Variants in STOX2 observed in about 807,000 individuals in gnomAD.
STOX2 encodes the protein storkhead box 2, also known as storkhead-box protein 2.
A neutral mutation model predicts 60.9 loss-of-function variants in STOX2; 28 were observed. That is an observed-to-expected ratio of 0.46 (90% CI 0.34 to 0.63). STOX2 has a LOEUF of 0.63. Ranked by LOEUF, STOX2 falls within the 30% of genes least tolerant of loss-of-function variation. The pLI, the probability that STOX2 is intolerant of heterozygous loss-of-function variation, is 0.01. For synonymous variants in STOX2, 472 were observed against 463.9 expected, an observed-to-expected ratio of 1.02 and a Z score of -0.22; for missense variants, 1,024 against 1,187.7, an observed-to-expected ratio of 0.86 and a Z score of 2.03.
chr4:183,924,175 T>TTCAGCAAA (rs1742176629), intron 1 of STOX2, among the ~76,000 whole-genome samples: 2 of 152,170 alleles, frequency 1.3e-5, no homozygotes, highest in African/African-American at 4.8e-5. Context: ...TCCTCACACC[T>TTCAGCAAA]TCAGCAAACC....
At chr4:183,910,541 A>G (rs1443380877) in intron 1 of STOX2, among the ~76,000 whole-genome samples, 1 of 152,094 alleles carries the variant, frequency 6.6e-6, no homozygotes, top group Non-Finnish European at 1.5e-5. Flanking sequence ...GCCTCTTTAT[A>G]TTCCATGTAT....
At chr4:183,814,284 CACA>C (rs1739101758) in intron 1 of STOX2, among the ~76,000 whole-genome samples, 1 of 152,082 alleles carries the variant, frequency 6.6e-6, no homozygotes, top group African/African-American at 2.4e-5. Context: ...TGGAATATTT[CACA>C]ACAATACAAA....
chr4:183,930,488 T>C (rs1443452348), intron 1 of STOX2, among the ~76,000 whole-genome samples: 1 of 149,706 alleles, frequency 6.7e-6, no homozygotes, highest in Non-Finnish European at 1.5e-5. Context: ...TACAGGTGTG[T>C]GCCACCATGC....
intron 1 of STOX2, among the ~76,000 whole-genome samples, chr4:183,971,036 AG>A (rs1191559619): frequency 3.3e-5 from 5 of 152,222 alleles, no homozygotes; most frequent in African/African-American, 1.2e-4. Flanking sequence ...TTTTGGGGTC[AG>A]GTTATTTGTA....
chr4:183,977,032 A>G (rs1395043166), intron 1 of STOX2, among the ~76,000 whole-genome samples: 2 of 152,230 alleles, frequency 1.3e-5, no homozygotes, highest in Non-Finnish European at 2.9e-5. Flanking sequence ...GTAGTTTCTT[A>G]AAATTTATTT....
chr4:183,833,003 A>T (rs914497760), intron 1 of STOX2, among the ~76,000 whole-genome samples: 3 of 152,248 alleles, frequency 2.0e-5, no homozygotes, highest in Non-Finnish European at 4.4e-5. Context: ...TAGGAGTATT[A>T]GTCAGCTATT....
At chr4:183,908,881 G>A (rs1388734219) in intron 1 of STOX2, among the ~76,000 whole-genome samples, 1 of 152,218 alleles carries the variant, frequency 6.6e-6, no homozygotes, top group African/African-American at 2.4e-5. Flanking sequence ...TGGAAGAAAA[G>A]TGCTGTCATT....
chr4:183,988,251 C>G (rs1732936632), intron 1 of STOX2: 1 of 151,908 alleles, frequency 6.6e-6, no homozygotes, highest in Non-Finnish European at 1.5e-5. Flanking sequence ...GTTGGCTGAT[C>G]CGTCCCTGTG....
intron 1 of STOX2, among the ~76,000 whole-genome samples, chr4:183,951,571 C>G (rs1743094556): frequency 6.6e-6 from 1 of 150,658 alleles, no homozygotes; most frequent in Non-Finnish European, 1.5e-5. Context: ...CCGCCTCAGT[C>G]TCTCAAGCAG....
Position 183,967,765 on chromosome 4 carries a change from G to A in STOX2, c.167-33560G>A, listed in dbSNP as rs565494206. On this transcript the variant is annotated intron_variant, in intron 1 of 3. Transcript: ENST00000308497. ...TTGGATTAAAAAGATCATCAACTTT[G>A]GGTTATGAAAAATGTAGTGCCACGA... 3.9e-5 allele frequency among the ~76,000 whole-genome samples: 6 copies of A among 152,266 alleles called. No individual in the cohort carries two copies. The East Asian group carries it at 1.2e-3, about 29-fold the overall frequency.
intron 1 of STOX2, among the ~76,000 whole-genome samples, chr4:183,922,999 C>T (rs987466994): frequency 1.7e-4 from 26 of 152,184 alleles, no homozygotes; most frequent in African/African-American, 3.4e-4. Context: ...CCATTGCCCA[C>T]GTGTACCATG....
intron 2 of STOX2, among the ~76,000 whole-genome samples, chr4:184,003,375 C>G (rs1343380585): frequency 1.3e-5 from 2 of 152,176 alleles, no homozygotes; most frequent in East Asian, 3.8e-4. Flanking sequence ...ATATCACTAA[C>G]TTGGAATGCT....
chr4:183,826,057 G>A lies in STOX2; in HGVS notation c.364+28002G>A, dbSNP rs112097745. ...TGCACAACAGACTCATCGGGAAACA[G>A]GTTAAAACACAGACTCCTGGGCCCC... On this transcript the variant is annotated intron_variant, in intron 1 of 2. Coordinates refer to the STOX2 transcript ENST00000513034. Among the ~76,000 whole-genome samples, 227 of 152,214 alleles carry A rather than the reference G, an allele frequency of 1.5e-3. 3 individuals carry two copies. The highest frequency in any genetic ancestry group is 5.0e-3 in the African/African-American group (209 of 41,514).
intron 1 of STOX2, among the ~76,000 whole-genome samples, chr4:183,849,426 G>T (rs1740060767): frequency 6.6e-6 from 1 of 152,180 alleles, no homozygotes; most frequent in South Asian, 2.1e-4. Flanking sequence ...TTTCCTGTTG[G>T]GGTGGGAGAA....
rs975507398 is a variant in STOX2, at chr4:183,906,661, C to G, written c.-130C>G. The G allele has an allele frequency of 4.7e-6, 5 of 1,062,336 alleles. No homozygotes were observed. Among genetic ancestry groups the G allele is most frequent in the Admixed American group, 6.2e-5 (2 of 32,152 alleles). 65.8% of individuals were successfully genotyped at this position (1,062,336 alleles called of 1,614,324 possible). A position where few individuals can be genotyped will look rare whatever the true frequency, so the allele number is the denominator to read the frequency against. ...GACCCGCCGCTGGCGGTGTAGACGC[C>G]GACGAGGAGGGGCTGGGAAAATGTG... On this transcript the variant is annotated 5_prime_UTR_variant, in exon 1 of 4. Transcript: ENST00000308497.
chr4:183,952,275 A>C (rs1170907939), intron 1 of STOX2, among the ~76,000 whole-genome samples: 1 of 152,182 alleles, frequency 6.6e-6, no homozygotes, highest in Non-Finnish European at 1.5e-5. Context: ...CTCATTTCAC[A>C]AATTATCCAG....
At chr4:183,899,162 C>T (rs113848061) in intron 1 of STOX2, among the ~76,000 whole-genome samples, 193 of 152,216 alleles carry the variant, frequency 1.3e-3, no homozygotes, top group African/African-American at 4.1e-3. Context: ...AAACTTGATC[C>T]GTAAGTGTTG....
chr4:183,956,359 T>A (rs1376608899), intron 1 of STOX2, among the ~76,000 whole-genome samples: 1 of 139,088 alleles, frequency 7.2e-6, no homozygotes, highest in African/African-American at 2.8e-5. Context: ...TTTGCTGCAT[T>A]TGTTCTATCT....
In STOX2 at chr4:184,010,140, C is replaced by T. The variant is rs1734079274; in HGVS notation, c.1302C>T (p.Phe434=). Residue 434 remains phenylalanine, a synonymous_variant, in exon 3 of 4, where the codon TTC becomes TTT. Transcript: ENST00000308497. This position sits in a 1 kb window ranked among gnomAD's most constrained non-coding sequence, Gnocchi z 4.5. ...HSNTNVLESH[F]PMTPEWDVSG... Reference sequence around the variant, plus strand: ...ACACAAACGTGCTCGAGTCCCACTTCCCCATGACACCAGAATGGGATGTGT... The same window carrying T: ...ACACAAACGTGCTCGAGTCCCACTTTCCCATGACACCAGAATGGGATGTGT... 1.3e-6 allele frequency: 2 copies of T among 1,567,612 alleles called. No homozygotes were observed. Among genetic ancestry groups the T allele is most frequent in the Admixed American group, 1.9e-5 (1 of 52,238 alleles).
Sources: allele counts gnomAD v4.1 joint callset (sites outside exome capture counted in the v4.1 genomes callset), GRCh38; gene constraint gnomAD v4.1.1; non-coding constraint Gnocchi (gnomAD v3.1); transcripts MANE v1.5; gene names NCBI Gene and HGNC (gene_info 2026-07-23, HGNC 2026-07-21).